TOM1L2: variants seen among roughly 807,000 people sequenced by gnomAD.
TOM1L2 encodes target of myb1 like 2 membrane trafficking protein.
In TOM1L2, 31 loss-of-function variants were observed where a neutral mutation model predicts 67.9. That is an observed-to-expected ratio of 0.46 (90% CI 0.34 to 0.62). The LOEUF (loss-of-function observed/expected upper bound fraction) is 0.62, where lower values mean the gene tolerates loss of function less well. Ranked by LOEUF, TOM1L2 falls within the 20% of genes least tolerant of loss-of-function variation. The pLI, the probability that TOM1L2 is intolerant of heterozygous loss-of-function variation, is 0.01. For missense variants in TOM1L2, 606 were observed against 663.5 expected (o/e 0.91, Z 0.95); for synonymous variants, 256 against 254.0 (o/e 1.01, Z -0.07).
intron 1 of TOM1L2, among the ~76,000 whole-genome samples, chr17:17,918,013 TTTC>T (rs1460452959): frequency 2.6e-5 from 4 of 152,212 alleles, no homozygotes; most frequent in Non-Finnish European, 5.9e-5. Context: ...TTATGTCTTC[TTTC>T]TTCTTTAATT....
intron 12 of TOM1L2, among the ~76,000 whole-genome samples, chr17:17,856,660 C>T (rs1568064820): frequency 6.6e-6 from 1 of 152,222 alleles, no homozygotes; most frequent in Non-Finnish European, 1.5e-5. Context: ...GGGAGAGGCA[C>T]ATGTTTGCAC....
At chr17:17,934,376 A>T (rs533080647) in intron 1 of TOM1L2, among the ~76,000 whole-genome samples, 32 of 152,212 alleles carry the variant, frequency 2.1e-4, no homozygotes, top group African/African-American at 7.5e-4. Context: ...GAGCCCGGGG[A>T]TCAAGGCTGC....
intron 5 of TOM1L2, among the ~76,000 whole-genome samples, chr17:17,884,227 T>C (rs992549686): frequency 4.8e-4 from 73 of 152,060 alleles, no homozygotes; most frequent in African/African-American, 1.6e-3. Context: ...CTTGGTACAA[T>C]TGAAAAAACA....
chr17:17,887,890 A>T (rs536939646), intron 4 of TOM1L2, among the ~76,000 whole-genome samples: 1 of 152,306 alleles, frequency 6.6e-6, no homozygotes, highest in Admixed American at 6.5e-5. Context: ...AAGCATCCTT[A>T]TTTTCCTACT....
chr17:17,953,978 T>A (rs944164214), intron 1 of TOM1L2, among the ~76,000 whole-genome samples: 2 of 152,232 alleles, frequency 1.3e-5, no homozygotes, highest in African/African-American at 4.8e-5. Context: ...CAAGCATTGT[T>A]CATCTTTGAA....
At chr17:17,862,953 AT>A in intron 10 of TOM1L2, 105 bp from the exon 11 acceptor site, 1 of 334,090 alleles carries the variant, frequency 3.0e-6, no homozygotes, top group Non-Finnish European at 6.1e-6. Context: ...TTTAGGTTCC[AT>A]GGGGAGGGTG....
chr17:17,913,444 G>T (rs940434029), intron 1 of TOM1L2, among the ~76,000 whole-genome samples: 1 of 151,952 alleles, frequency 6.6e-6, no homozygotes, highest in Non-Finnish European at 1.5e-5. Flanking sequence ...GGCCAGGGCC[G>T]GCACCTGGTA....
intron 7 of TOM1L2, among the ~76,000 whole-genome samples, chr17:17,877,627 T>C (rs2037488769): frequency 6.6e-6 from 1 of 152,168 alleles, no homozygotes; most frequent in African/African-American, 2.4e-5. Context: ...CCAGGACGGC[T>C]GTGTCTGTTC....
chr17:17,932,782 T>A (rs1327566161), intron 1 of TOM1L2, among the ~76,000 whole-genome samples: 2 of 152,192 alleles, frequency 1.3e-5, no homozygotes, highest in African/African-American at 4.8e-5. Flanking sequence ...TTCTCCCATT[T>A]TATTGTGCAC....
At chr17:17,939,042 C>T (rs1303057112) in intron 1 of TOM1L2, among the ~76,000 whole-genome samples, 2 of 152,182 alleles carry the variant, frequency 1.3e-5, no homozygotes, top group Non-Finnish European at 2.9e-5. Context: ...AATGCAGCTA[C>T]TCAGTAATGG....
intron 1 of TOM1L2, among the ~76,000 whole-genome samples, chr17:17,914,305 A>G (rs993532955): frequency 6.6e-6 from 1 of 152,128 alleles, no homozygotes; most frequent in South Asian, 2.1e-4. Context: ...CAGTGGCTAC[A>G]TTGTGTCCTC....
At chr17:17,850,557 AGCACG>A (rs1417422752) in intron 13 of TOM1L2, among the ~76,000 whole-genome samples, 5 of 152,032 alleles carry the variant, frequency 3.3e-5, no homozygotes, top group African/African-American at 4.8e-5. Flanking sequence ...AAAAAACCAA[AGCACG>A]GCACATACAT....
At chr17:17,861,359 G>A (rs1463677391) in intron 12 of TOM1L2, 117 bp downstream of exon 12, 2 of 947,758 alleles carry the variant, frequency 2.1e-6, no homozygotes, top group Non-Finnish European at 3.3e-6. Context: ...CTCTCCCCCA[G>A]GGTGTCCCTG....
intron 12 of TOM1L2, 162 bp from the exon 13 acceptor site, chr17:17,851,114 G>T: frequency 2.9e-6 from 2 of 685,682 alleles, no homozygotes; most frequent in Non-Finnish European, 5.0e-6. Flanking sequence ...GCAACACAGG[G>T]CAGCCACGTG....
chr17:17,844,858 A>C lies in TOM1L2; in HGVS notation c.*2777T>G, dbSNP rs1268850234. 9 of 152,404 alleles carry C rather than the reference A, an allele frequency of 5.9e-5. No homozygotes were observed. The highest frequency in any genetic ancestry group is 2.2e-4 in the African/African-American group (9 of 41,470). 9.4% of individuals were successfully genotyped at this position (152,404 alleles called of 1,614,324 possible). ...TGACAAAATAAATATTTTAACCTAT[A>C]ATCAGGTATAATTAGTGCTTATAAG... is the stretch of plus-strand genomic sequence containing the variant. On this transcript the variant is annotated 3_prime_UTR_variant, in exon 15 of 15. Coordinates refer to ENST00000379504, the MANE Select transcript of TOM1L2 (RefSeq NM_001082968.2).
intron 12 of TOM1L2, chr17:17,858,480 G>A (rs58219643): frequency 0.027 from 4,080 of 152,308 alleles, 168 homozygotes; most frequent in African/African-American, 0.081. Flanking sequence ...GCAGTGGTGC[G>A]ATCTCGGCTC....
At chr17:17,953,930 G>A (rs1372324000) in intron 1 of TOM1L2, among the ~76,000 whole-genome samples, 1 of 152,234 alleles carries the variant, frequency 6.6e-6, no homozygotes, top group Admixed American at 6.5e-5. Flanking sequence ...CTTGTACCCT[G>A]TACAGTTAGC....
In TOM1L2 at chr17:17,850,986, C is replaced by T. The variant is rs768347011; in HGVS notation, c.1279-34G>A. On this transcript the variant is annotated intron_variant, in intron 12 of 14. Coordinates refer to ENST00000379504, the MANE Select transcript of TOM1L2 (RefSeq NM_001082968.2). ...GCGGCAAGCAGCGGGCCAGGCAGCC[C>T]CCACACAGCCAGCGAGGGGAGACAG... The T allele has an allele frequency of 6.8e-6, 11 of 1,612,078 alleles. No individual in the cohort carries two copies. The East Asian group carries it at 2.2e-4, about 33-fold the overall frequency.
At chr17:17,866,533 T>G in intron 9 of TOM1L2, 114 bp from the exon 10 acceptor site, 2 of 1,360,362 alleles carry the variant, frequency 1.5e-6, no homozygotes, top group Non-Finnish European at 2.0e-6. Flanking sequence ...AGCGCTGCTC[T>G]AGTACAGAAG....
Sources: gnomAD v4.1 joint callset for allele counts (sites outside exome capture counted in the v4.1 genomes callset) on GRCh38, gnomAD v4.1.1 for gene constraint, MANE v1.5 for transcripts, NCBI Gene and HGNC (gene_info 2026-07-23, HGNC 2026-07-21) for gene names.